WDFY4: variants seen among roughly 807,000 people sequenced by gnomAD.
WDFY4 encodes WDFY family member 4, also known as WD repeat- and FYVE domain-containing protein 4.
WDFY4 carries 169 observed loss-of-function variants against 351.9 expected under a neutral mutation model. The observed-to-expected ratio is 0.48, with a 90% CI of 0.42 to 0.55. WDFY4 has a LOEUF of 0.55. Among genes scored for constraint, WDFY4 ranks in the 20% least tolerant of loss-of-function variants. The probability of loss-of-function intolerance (pLI) is 0.00; values close to 1 mark genes in which losing one functional copy is unlikely to be tolerated. For missense variants in WDFY4, 3,803 were observed against 3,935.6 expected, an observed-to-expected ratio of 0.97 and a Z score of 0.90; for synonymous variants, 1,622 against 1,574.6, an observed-to-expected ratio of 1.03 and a Z score of -0.71.
chr10:48,820,760 G>C (rs2067795315), intron 33 of WDFY4, among the ~76,000 whole-genome samples: 1 of 152,136 alleles, frequency 6.6e-6, no homozygotes, highest in East Asian at 1.9e-4. Flanking sequence ...CTGGAGCCTG[G>C]CCCAAGGGGG....
chr10:48,727,262 G>T (rs1364512740), intron 6 of WDFY4, among the ~76,000 whole-genome samples: 1 of 152,168 alleles, frequency 6.6e-6, no homozygotes, highest in Non-Finnish European at 1.5e-5. Context: ...CCTCTCCTGT[G>T]TCACCTGCTG....
At chr10:48,751,600 T>G (rs9629920) in intron 12 of WDFY4, among the ~76,000 whole-genome samples, 35,241 of 151,900 alleles carry the variant, frequency 0.23, 4,241 homozygotes, top group African/African-American at 0.31. Context: ...AGCCCTAGAG[T>G]TTTGGAAGAG....
At chr10:48,811,000 A>G (rs1301110245) in intron 29 of WDFY4, among the ~76,000 whole-genome samples, 1 of 151,640 alleles carries the variant, frequency 6.6e-6, no homozygotes, top group Admixed American at 6.6e-5. Flanking sequence ...GGCACTGTAT[A>G]CTCTGCTTCC....
At chr10:48,697,163 G>T (rs17771282) in intron 1 of WDFY4, among the ~76,000 whole-genome samples, 24,706 of 152,174 alleles carry the variant, frequency 0.16, 2,509 homozygotes, top group Non-Finnish European at 0.23. Flanking sequence ...GGTGGGCCTG[G>T]AACACTCAGG....
In WDFY4 at chr10:48,777,448, T is replaced by A. The variant is rs1291126808; in HGVS notation, c.3128T>A (p.Val1043Asp). 1 of 1,551,636 alleles carries A rather than the reference T, an allele frequency of 6.4e-7. No homozygotes were observed. The highest frequency in any genetic ancestry group is 1.4e-5 in the African/African-American group (1 of 73,056). Residue 1043 changes from valine to aspartate, a missense_variant, in exon 17 of 62, where the codon GTT becomes GAT. Transcript: ENST00000325239. ...TTGTTTATTCCAACCCTGTCCACAG[T>A]TATGGGAACCAGCACTGAGTACTCT... is the stretch of plus-strand genomic sequence containing the variant. ...GCLFIPTLST[V>D]MGTSTEYSVS...
intron 39 of WDFY4, among the ~76,000 whole-genome samples, chr10:48,847,109 C>T (rs557472404): frequency 9.2e-5 from 14 of 152,240 alleles, no homozygotes; most frequent in East Asian, 5.8e-4. Flanking sequence ...CTCGCAGTCC[C>T]GGAGGCTAGA....
At position 48,831,307 on chromosome 10, in the gene WDFY4, T is replaced by C. The variant is rs377053131; in HGVS notation, c.6526+422T>C. On this transcript the variant is annotated intron_variant, in intron 38 of 61. Transcript: ENST00000325239. ...ATGAAAGTTTTCATCCCCAAAATAT[T>C]AATGTCCCTTGCATTCTATTCTGTT... 1.7e-3 allele frequency among the ~76,000 whole-genome samples: 266 copies of C among 152,352 alleles called. 1 individual carries two copies. The highest frequency in any genetic ancestry group is 6.0e-3 in the African/African-American group (251 of 41,570).
In WDFY4 at chr10:48,943,513, T is replaced by G. The variant is rs1840889547; in HGVS notation, c.7749+64T>G. The G allele has an allele frequency of 2.0e-6, 3 of 1,500,850 alleles. No individual in the cohort carries two copies. The South Asian group carries it at 3.8e-5, about 19-fold the overall frequency. The allele number at this position is 1,500,850 out of a possible 1,614,324, so 93.0% of individuals were successfully genotyped here. A position where few individuals can be genotyped will look rare whatever the true frequency, so the allele number is the denominator to read the frequency against. On this transcript the variant is annotated intron_variant, in intron 49 of 61. Coordinates refer to ENST00000325239, the MANE Select transcript of WDFY4 (RefSeq NM_001394531.1). ...GTTCGGACGTTGATAACAGAGACCC[T>G]AAGTCAGCATGCAGAGCCTCTGCTA...
chr10:48,876,941 G>A (rs1413508454), intron 42 of WDFY4, 92 bp from the exon 43 acceptor site: 32 of 1,304,082 alleles, frequency 2.5e-5, no homozygotes, highest in Non-Finnish European at 2.8e-5. Flanking sequence ...GAGCCTTGCT[G>A]CTCCTTGGTG....
chr10:48,962,772 T>C (rs1231984302), intron 53 of WDFY4, among the ~76,000 whole-genome samples: 3 of 152,200 alleles, frequency 2.0e-5, no homozygotes, highest in Non-Finnish European at 2.9e-5. Flanking sequence ...CCAGGCTCCA[T>C]GTTTGAGTTG....
intron 9 of WDFY4, among the ~76,000 whole-genome samples, chr10:48,731,815 C>G (rs991699890): frequency 6.6e-6 from 1 of 152,198 alleles, no homozygotes; most frequent in East Asian, 1.9e-4. Flanking sequence ...TATCTCTTGT[C>G]CTAGACATTG....
chr10:48,731,730 T>C (rs1163040019), intron 9 of WDFY4, among the ~76,000 whole-genome samples, 168 bp downstream of exon 9: 1 of 152,180 alleles, frequency 6.6e-6, no homozygotes, highest in Non-Finnish European at 1.5e-5. Flanking sequence ...AGCCACCCAG[T>C]CTTCCCAATG....
intron 51 of WDFY4, among the ~76,000 whole-genome samples, chr10:48,947,992 C>T (rs1841136512): frequency 6.6e-6 from 1 of 152,160 alleles, no homozygotes. Context: ...TTGGGACTGA[C>T]CTCACCTGTG....
At chr10:48,857,605 C>T (rs1174517338) in intron 39 of WDFY4, among the ~76,000 whole-genome samples, 1 of 151,908 alleles carries the variant, frequency 6.6e-6, no homozygotes, top group Non-Finnish European at 1.5e-5. Context: ...TTAGTATGTT[C>T]AATATATAAA....
Position 48,806,035 on chromosome 10 carries a change from C to A in WDFY4, c.4678C>A (p.Pro1560Thr). ...IGLFVVYTLK[P>T]SSVNERQICM... ...GCTGTTTGTTGTGTACACCCTCAAGCCTTCGTCGGTGAATGAGAGGCAGAT... is the reference window on the plus strand; with the variant it reads ...GCTGTTTGTTGTGTACACCCTCAAGACTTCGTCGGTGAATGAGAGGCAGAT... The change falls in exon 27 of 62, where the codon CCT becomes ACT. Residue 1560 changes from proline to threonine, a missense_variant. By Grantham distance (38) the Pro-to-Thr change is conservative (BLOSUM62 -1). Transcript: ENST00000325239. 1 of 1,551,712 alleles carries A rather than the reference C, an allele frequency of 6.4e-7. No homozygotes were observed. Among genetic ancestry groups the A allele is most frequent in the Middle Eastern group, 1.7e-4 (1 of 5,992 alleles).
chr10:48,965,570 C>G (rs956814200), intron 54 of WDFY4, among the ~76,000 whole-genome samples: 12 of 152,182 alleles, frequency 7.9e-5, no homozygotes, highest in Admixed American at 5.9e-4. Flanking sequence ...ACCACCCATG[C>G]CCACCCCAGC....
chr10:48,805,448 A>C (rs1033150399), intron 26 of WDFY4, 27 bp downstream of exon 26: 5 of 1,544,080 alleles, frequency 3.2e-6, no homozygotes, highest in Admixed American at 2.0e-5. Flanking sequence ...CCCAGGGGGA[A>C]GAGCAGGGCC....
chr10:48,737,777 G>A (rs1402647086), intron 11 of WDFY4, among the ~76,000 whole-genome samples: 3 of 152,218 alleles, frequency 2.0e-5, no homozygotes, highest in Non-Finnish European at 4.4e-5. Context: ...AGAGGGATGG[G>A]TGAAGCAGAG....
In WDFY4 at chr10:48,852,247, G is replaced by A. The variant is rs1025219156; in HGVS notation, c.6664-15018G>A. ...GGGTGGAAATACATGAGAGAAAGAC[G>A]CCCATAGTGACAGAGTCCAAAGACT... is the stretch of plus-strand genomic sequence containing the variant. On this transcript the variant is annotated intron_variant, in intron 39 of 61. Transcript: ENST00000325239. Among the ~76,000 whole-genome samples, 12 of 152,262 alleles carry A rather than the reference G, an allele frequency of 7.9e-5. 2 individuals carry two copies. The Middle Eastern group carries it at 0.014, about 173-fold the overall frequency.
Sources: gnomAD v4.1 joint callset for allele counts (sites outside exome capture counted in the v4.1 genomes callset) on GRCh38, gnomAD v4.1.1 for gene constraint, MANE v1.5 for transcripts, NCBI Gene and HGNC (gene_info 2026-07-23, HGNC 2026-07-21) for gene names.